QRICH2: variants seen among roughly 807,000 people sequenced by gnomAD.
The protein encoded by QRICH2 is glutamine rich 2.
In QRICH2, 119 loss-of-function variants were observed where a neutral mutation model predicts 168.3. The observed-to-expected ratio is 0.71, with a 90% CI of 0.61 to 0.82. QRICH2 has a LOEUF of 0.82. Among genes scored for constraint, QRICH2 ranks in the 40% least tolerant of loss-of-function variants. The probability of loss-of-function intolerance (pLI) is 0.00; values close to 1 mark genes in which losing one functional copy is unlikely to be tolerated. For synonymous variants in QRICH2, 894 were observed against 951.2 expected (o/e 0.94, Z 1.11); for missense variants, 2,241 against 2,491.6 (o/e 0.90, Z 2.14).
intron 12 of QRICH2, 100 bp downstream of exon 12, chr17:76,279,933 T>C (rs1192006079): frequency 7.2e-7 from 1 of 1,391,094 alleles, no homozygotes; most frequent in African/African-American, 1.4e-5. Context: ...CAGGATCCGC[T>C]GTGTGCTGGC....
At chr17:76,299,934 G>A (rs758471792) in intron 3 of QRICH2, among the ~76,000 whole-genome samples, 26 of 151,556 alleles carry the variant, frequency 1.7e-4, no homozygotes, top group Admixed American at 4.6e-4. Context: ...GGTTTCAAGC[G>A]AGTCTCCTGC....
Position 76,307,390 on chromosome 17 carries a change from T to C in QRICH2, c.534+75A>G, listed in dbSNP as rs1447587231. 1.5e-5 allele frequency: 23 copies of C among 1,507,940 alleles called. No homozygotes were observed. The highest frequency in any genetic ancestry group is 4.1e-5 in the African/African-American group (3 of 72,840). 93.4% of individuals were successfully genotyped at this position (1,507,940 alleles called of 1,614,324 possible). A position where few individuals can be genotyped will look rare whatever the true frequency, so the allele number is the denominator to read the frequency against. On this transcript the variant is annotated intron_variant, in intron 1 of 18. Coordinates refer to ENST00000680821, the MANE Select transcript of QRICH2 (RefSeq NM_001388453.1). This position sits in a 1 kb window ranked among gnomAD's most constrained non-coding sequence, Gnocchi z 5.3. The stretch of plus-strand genomic sequence containing the variant: ...ACCACCGCTCACCCCTCCAGGGTGG[T>C]GGGGACTCGGCTAGGCCTGGAGGGC...
rs1489998497 is a variant in QRICH2 at position 76,290,941 on chromosome 17, C to A, written c.3712+74G>T. ...GATGTGTAGCAGCCAGGAGTTGAGG[C>A]CAGGGGAAGAAAAGGATGAAACCAA... On this transcript the variant is annotated intron_variant, in intron 4 of 18. Coordinates refer to ENST00000680821, the MANE Select transcript of QRICH2 (RefSeq NM_001388453.1). 17 of 1,556,084 alleles carry A rather than the reference C, an allele frequency of 1.1e-5. No individual in the cohort carries two copies. The Admixed American group carries it at 1.1e-4, about 10-fold the overall frequency.
At chr17:76,295,221 T>C (rs1598497237) in intron 3 of QRICH2, among the ~76,000 whole-genome samples, 3 of 152,146 alleles carry the variant, frequency 2.0e-5, no homozygotes, top group African/African-American at 7.2e-5. Context: ...ATCGCACCAC[T>C]GCACTTCAGC....
At chr17:76,276,852 C>A in intron 16 of QRICH2, 85 bp from the exon 17 acceptor site, 1 of 1,111,104 alleles carries the variant, frequency 9.0e-7, no homozygotes, top group Non-Finnish European at 1.3e-6. Flanking sequence ...GCACAGAGCA[C>A]TGTGGTCTCA....
In QRICH2 at chr17:76,280,865, ATGAGGTTGC is replaced by A; in HGVS notation, c.4343_4351del (p.Ser1448_Leu1450del). 6.2e-7 allele frequency: 1 copy of A among 1,613,734 alleles called. No individual in the cohort carries two copies. Among genetic ancestry groups the A allele is most frequent in the Non-Finnish European group, 8.5e-7 (1 of 1,180,010 alleles). On this transcript the variant is annotated inframe_deletion, in exon 9 of 19. Coordinates refer to ENST00000680821, the MANE Select transcript of QRICH2 (RefSeq NM_001388453.1). This position sits in a 1 kb window ranked among gnomAD's most constrained non-coding sequence, Gnocchi z 7.4. ...CTTCTGTTTCTGCCGATGGTCCTCG[ATGAGGTTGC>A]TGGTGGTGATGTTGAGCTTCTCGCA...
chr17:76,291,311 C>G lies in QRICH2; in HGVS notation c.3416G>C (p.Arg1139Pro). 1.9e-6 allele frequency: 3 copies of G among 1,614,150 alleles called. No homozygotes were observed. Among genetic ancestry groups the G allele is most frequent in the Non-Finnish European group, 2.5e-6 (3 of 1,180,024 alleles). Residue 1139 changes from arginine to proline, a missense_variant, in exon 4 of 19, where the codon CGA becomes CCA. This residue lies in a region of QRICH2 where 2,047 missense variants were observed against 2,303.8 expected (regional missense o/e 0.89). Coordinates refer to ENST00000680821, the MANE Select transcript of QRICH2 (RefSeq NM_001388453.1). ...LDPNRTRASD[R>P]HGIPAQKAPG... ...GGCCTTCTGGGCAGGAATTCCATGT[C>G]GGTCCGAGGCTCGTGTTCTATTTGG... is the stretch of plus-strand genomic sequence containing the variant.
intron 1 of QRICH2, among the ~76,000 whole-genome samples, chr17:76,306,219 C>A (rs1017745864): frequency 5.2e-4 from 73 of 141,454 alleles, no homozygotes; most frequent in Admixed American, 1.5e-3. Flanking sequence ...ACAAAAAAAA[C>A]CCCCACCACA....
rs1437540476 is a variant in QRICH2 at position 76,292,161 on chromosome 17, C to T, written c.2566G>A (p.Ala856Thr). Residue 856 changes from alanine to threonine, a missense_variant, in exon 4 of 19, where the codon GCA becomes ACA. Transcript: ENST00000680821. ...AVQHGLVQPGADQRGLVQPGV... is the reference protein window; with the variant it reads ...AVQHGLVQPGTDQRGLVQPGV... ...GGTTGGACCAAACCACGCTGATCTG[C>T]ACCAGGTTGGACCAAACCATGCTGA... is the stretch of plus-strand genomic sequence containing the variant. The T allele has an allele frequency of 3.3e-6, 5 of 1,496,098 alleles. No homozygotes were observed. The highest frequency in any genetic ancestry group is 4.5e-6 in the Non-Finnish European group (5 of 1,108,690). The allele number at this position is 1,496,098 out of a possible 1,614,324, so 92.7% of individuals were successfully genotyped here. A position where few individuals can be genotyped will look rare whatever the true frequency, so the allele number is the denominator to read the frequency against.
At position 76,292,923 on chromosome 17, in the gene QRICH2, G is replaced by A. The variant is rs143499534; in HGVS notation, c.1804C>T (p.Arg602Trp). The change falls in exon 4 of 19, where the codon CGG becomes TGG. Residue 602 changes from arginine (R) to tryptophan (W), a missense_variant. This residue lies in a region of QRICH2 where 2,047 missense variants were observed against 2,303.8 expected (regional missense o/e 0.89). Coordinates refer to ENST00000680821, the MANE Select transcript of QRICH2 (RefSeq NM_001388453.1). Reference sequence around the variant, plus strand: ...AAACCAGACTGATCCATTCCAGGCCGGACCAAACCACGCTGATCTGCACCA... The same window carrying A: ...AAACCAGACTGATCCATTCCAGGCCAGACCAAACCACGCTGATCTGCACCA... ...QPGADQRGLV[R>W]PGMDQSGLAQ... is the part of the protein sequence containing the mutation. 8.7e-6 allele frequency: 14 copies of A among 1,610,048 alleles called. No homozygotes were observed. The highest frequency in any genetic ancestry group is 1.4e-5 in the African/African-American group (1 of 73,872).
At chr17:76,277,554 TCATA>T (rs1219530160) in intron 15 of QRICH2, among the ~76,000 whole-genome samples, 1 of 151,690 alleles carries the variant, frequency 6.6e-6, no homozygotes, top group Admixed American at 6.6e-5. Flanking sequence ...ACACATGTAC[TCATA>T]CACACAGTCA....
intron 17 of QRICH2, 111 bp downstream of exon 17, chr17:76,276,569 A>G (rs1009647493): frequency 4.2e-6 from 3 of 721,268 alleles, no homozygotes; most frequent in African/African-American, 3.5e-5. Flanking sequence ...AGGGGAATGG[A>G]GAAGGAAGAC....
intron 18 of QRICH2, 83 bp from the exon 19 acceptor site, chr17:76,274,343 G>T: frequency 7.1e-7 from 1 of 1,416,432 alleles, no homozygotes; most frequent in Non-Finnish European, 9.6e-7. Context: ...TGCCCAGGGA[G>T]GTTGAGAGCA....
intron 3 of QRICH2, among the ~76,000 whole-genome samples, chr17:76,300,293 G>A (rs2143373071): frequency 6.6e-6 from 1 of 152,098 alleles, no homozygotes; most frequent in South Asian, 2.1e-4. Flanking sequence ...TTTGATTACT[G>A]CTCATAATTA....
In QRICH2 at chr17:76,284,168, C is replaced by CAAAAAAAAAAAAAA. The variant is rs61553346; in HGVS notation, c.4012-2067_4012-2054dup. Among the ~76,000 whole-genome samples, 160 of 62,720 alleles carry CAAAAAAAAAAAAAA rather than the reference C, an allele frequency of 2.6e-3. 3 individuals carry two copies. Among genetic ancestry groups the CAAAAAAAAAAAAAA allele is most frequent in the African/African-American group, 8.2e-3 (75 of 9,172 alleles). 41.1% of individuals were successfully genotyped at this position (62,720 alleles called of 152,430 possible). A position where few individuals can be genotyped will look rare whatever the true frequency, so the allele number is the denominator to read the frequency against. On this transcript the variant is annotated intron_variant, in intron 7 of 18. Coordinates refer to ENST00000680821, the MANE Select transcript of QRICH2 (RefSeq NM_001388453.1). ...GGGCAACAGAGCAAAACTCTGTCTC[C>CAAAAAAAAAAAAAA]AAAAAAAAAAAAAAAAAAAAAAAAA...
chr17:76,275,221 A>C (rs145157858), intron 18 of QRICH2, among the ~76,000 whole-genome samples: 11 of 152,202 alleles, frequency 7.2e-5, no homozygotes, highest in Admixed American at 1.3e-4. Flanking sequence ...AAGCAGCACT[A>C]ACCCAGCACC....
chr17:76,286,108 G>A (rs1009016691), intron 7 of QRICH2, among the ~76,000 whole-genome samples: 14 of 152,118 alleles, frequency 9.2e-5, no homozygotes, highest in African/African-American at 3.1e-4. Flanking sequence ...CCGGGAGGCA[G>A]AGCTTGCAGT....
intron 3 of QRICH2, among the ~76,000 whole-genome samples, chr17:76,300,398 C>G (rs990681211): frequency 6.6e-6 from 1 of 152,122 alleles, no homozygotes; most frequent in Non-Finnish European, 1.5e-5. Context: ...CTTCAGCCCT[C>G]GCACAGACCA....
chr17:76,309,355 C>CAAAAAAAA (rs371703805), upstream of QRICH2: 2 of 108,878 alleles, frequency 1.8e-5, no homozygotes, highest in African/African-American at 6.3e-5. Context: ...GACTCTGTCT[C>CAAAAAAAA]AAAAAAAAAA....
Sources: gnomAD v4.1 joint callset for allele counts (sites outside exome capture counted in the v4.1 genomes callset) on GRCh38, gnomAD v4.1.1 for gene constraint, gnomAD v4.1.1 regional missense constraint, Gnocchi (gnomAD v3.1) non-coding constraint, MANE v1.5 for transcripts, NCBI Gene and HGNC (gene_info 2026-07-23, HGNC 2026-07-21) for gene names.